Variants in CPLX2 observed in about 807,000 individuals in gnomAD.
The protein encoded by CPLX2 is complexin 2.
In CPLX2, 5 loss-of-function variants were observed where a neutral mutation model predicts 16.3. That is an observed-to-expected ratio of 0.31 (90% CI 0.16 to 0.64). The LOEUF (loss-of-function observed/expected upper bound fraction) is 0.64. Ranked by LOEUF, CPLX2 falls within the 30% of genes least tolerant of loss-of-function variation. The pLI, the probability that CPLX2 is intolerant of heterozygous loss-of-function variation, is 0.79. For synonymous variants in CPLX2, 89 were observed against 73.2 expected, an observed-to-expected ratio of 1.22 and a Z score of -1.10; for missense variants, 144 against 181.4, an observed-to-expected ratio of 0.79 and a Z score of 1.18.
chr5:175,852,552 C>G (rs1481184784), intron 2 of CPLX2, among the ~76,000 whole-genome samples: 1 of 152,216 alleles, frequency 6.6e-6, no homozygotes, highest in East Asian at 1.9e-4. Flanking sequence ...CACACTGCAT[C>G]TCATTTAATC....
chr5:175,818,696 C>G (rs950914160), intron 2 of CPLX2, among the ~76,000 whole-genome samples: 15 of 110,288 alleles, frequency 1.4e-4, no homozygotes, highest in Admixed American at 4.2e-4. Context: ...GAGTCTTGCT[C>G]TGTCACCTGG....
rs1759024452 is a variant in CPLX2, at chr5:175,845,465, C to A, written c.-88-33187C>A. Among the ~76,000 whole-genome samples the A allele has an allele frequency of 6.6e-6, 1 of 152,226 alleles. No individual in the cohort carries two copies. The highest frequency in any genetic ancestry group is 2.4e-5 in the African/African-American group (1 of 41,452). ...CAGGCCCTTTGCACCTGCTTTTGCT[C>A]TCCTTGGCAGATTATCCCATCAGGC... On this transcript the variant is annotated intron_variant, in intron 2 of 4. Transcript: ENST00000359546. The surrounding 1 kb of genome is among the most constrained non-coding windows in gnomAD (Gnocchi z 4.0).
At chr5:175,879,134 C>A in intron 3 of CPLX2, 51 bp downstream of exon 3, 1 of 1,521,774 alleles carries the variant, frequency 6.6e-7, no homozygotes. Context: ...GCGGGTAAAA[C>A]CGGTCCAGCT....
upstream of CPLX2, among the ~76,000 whole-genome samples, chr5:175,868,319 A>G (rs766824678): frequency 2.6e-5 from 4 of 152,238 alleles, no homozygotes; most frequent in Non-Finnish European, 5.9e-5. Flanking sequence ...GGTCTGTGAC[A>G]GTTGTCATTC....
In CPLX2 at chr5:175,845,848, G is replaced by A. The variant is rs148807285; in HGVS notation, c.-88-32804G>A. 6.6e-6 allele frequency among the ~76,000 whole-genome samples: 1 copy of A among 152,142 alleles called. No individual in the cohort carries two copies. The highest frequency in any genetic ancestry group is 2.4e-5 in the African/African-American group (1 of 41,422). ...GGCAAAGTTTTCTCCTAGAATCCCAGGACTTTGAGGGAAACCCAGGATGGG... is the reference window on the plus strand; with the variant it reads ...GGCAAAGTTTTCTCCTAGAATCCCAAGACTTTGAGGGAAACCCAGGATGGG... On this transcript the variant is annotated intron_variant, in intron 2 of 4. Coordinates refer to the CPLX2 transcript ENST00000359546. The surrounding 1 kb of genome is among the most constrained non-coding windows in gnomAD (Gnocchi z 4.0).
chr5:175,798,128 T>C (rs1359520452), intron 1 of CPLX2, among the ~76,000 whole-genome samples: 3 of 152,162 alleles, frequency 2.0e-5, no homozygotes, highest in African/African-American at 7.2e-5. Context: ...AAATCCCACA[T>C]GCAAGGAGAA....
intron 2 of CPLX2, among the ~76,000 whole-genome samples, chr5:175,832,047 T>G (rs938706974): frequency 2.0e-5 from 3 of 152,224 alleles, no homozygotes; most frequent in African/African-American, 7.2e-5. Context: ...TTGTCTGTGC[T>G]CCTATTATTT....
intron 1 of CPLX2, among the ~76,000 whole-genome samples, chr5:175,799,668 A>G (rs1483837540): frequency 6.7e-6 from 1 of 148,318 alleles, no homozygotes; most frequent in Non-Finnish European, 1.5e-5. Context: ...GGCATGCACC[A>G]CCATGCCCAG....
intron 1 of CPLX2, among the ~76,000 whole-genome samples, chr5:175,803,220 G>A (rs1038436800): frequency 7.9e-5 from 12 of 152,170 alleles, no homozygotes; most frequent in African/African-American, 2.7e-4. Flanking sequence ...CCAAGGAATG[G>A]CTCATTGATT....
chr5:175,835,431 AG>A (rs2113662068), intron 2 of CPLX2, among the ~76,000 whole-genome samples: 1 of 152,322 alleles, frequency 6.6e-6, no homozygotes, highest in African/African-American at 2.4e-5. Flanking sequence ...AGAAAATAGG[AG>A]GGAACCTTCC....
At chr5:175,870,834 C>A (rs1161037197), upstream of CPLX2, among the ~76,000 whole-genome samples, 1 of 152,156 alleles carries the variant, frequency 6.6e-6, no homozygotes, top group Admixed American at 6.6e-5. Context: ...AGGTCCACTG[C>A]AGTTTTGCAT....
intron 1 of CPLX2, 135 bp from the exon 2 acceptor site, chr5:175,878,517 A>T (rs776056486): frequency 1.0e-5 from 6 of 598,532 alleles, no homozygotes; most frequent in Non-Finnish European, 1.8e-5. Flanking sequence ...TTTCTCCTCC[A>T]GCAGGGCATT....
chr5:175,847,108 C>G (rs563973109), intron 2 of CPLX2, among the ~76,000 whole-genome samples: 91 of 152,278 alleles, frequency 6.0e-4, no homozygotes, highest in African/African-American at 2.0e-3. Flanking sequence ...AATAAAGAGG[C>G]GTGGGGCCAA....
Position 175,848,944 on chromosome 5 carries a change from A to C in CPLX2, c.-88-29708A>C, listed in dbSNP as rs116529773. Among the ~76,000 whole-genome samples, 1,250 of 152,274 alleles carry C rather than the reference A, an allele frequency of 8.2e-3. 9 individuals carry two copies. The highest frequency in any genetic ancestry group is 0.011 in the Non-Finnish European group (769 of 68,008). On this transcript the variant is annotated intron_variant, in intron 2 of 4. Coordinates refer to the CPLX2 transcript ENST00000359546. Reference sequence around the variant, plus strand: ...GAGTGAGCCGGGGAGAGCAGAAGGAAAGGAGGGCATAGAGGAGACGGCTCA... The same window carrying C: ...GAGTGAGCCGGGGAGAGCAGAAGGACAGGAGGGCATAGAGGAGACGGCTCA...
At chr5:175,847,817 C>T (rs1364450039) in intron 2 of CPLX2, among the ~76,000 whole-genome samples, 2 of 152,236 alleles carry the variant, frequency 1.3e-5, no homozygotes, top group African/African-American at 4.8e-5. Context: ...CACCAAGAGA[C>T]ACTGCCTGGG....
intron 2 of CPLX2, among the ~76,000 whole-genome samples, chr5:175,840,974 G>GA (rs777340664): frequency 7.9e-5 from 12 of 152,212 alleles, no homozygotes; most frequent in Non-Finnish European, 1.5e-4. Context: ...CAGGGCCCAG[G>GA]AAAGTGGGTA....
At chr5:175,852,488 C>T (rs1222764899) in intron 2 of CPLX2, among the ~76,000 whole-genome samples, 2 of 152,320 alleles carry the variant, frequency 1.3e-5, no homozygotes, top group Middle Eastern at 3.4e-3. Flanking sequence ...CAGCACCAAA[C>T]AGCTAGAGTT....
intron 3 of CPLX2, among the ~76,000 whole-genome samples, chr5:175,879,285 C>T (rs1420229777): frequency 6.6e-6 from 1 of 152,188 alleles, no homozygotes; most frequent in Non-Finnish European, 1.5e-5. Context: ...AGAGAATGCG[C>T]GTAGTAGGTA....
chr5:175,868,981 G>A (rs185463494), upstream of CPLX2, among the ~76,000 whole-genome samples: 2 of 152,124 alleles, frequency 1.3e-5, no homozygotes, highest in South Asian at 4.1e-4. Flanking sequence ...ATTATATAAA[G>A]CACCAAAGTT....
Sources: allele counts gnomAD v4.1 joint callset (sites outside exome capture counted in the v4.1 genomes callset), GRCh38; gene constraint gnomAD v4.1.1; non-coding constraint Gnocchi (gnomAD v3.1); transcripts MANE v1.5; gene names NCBI Gene and HGNC (gene_info 2026-07-23, HGNC 2026-07-21).